Variants in KIF16B observed in about 807,000 individuals in gnomAD.
KIF16B encodes the protein kinesin family member 16B.
Under a neutral mutation model 156.3 loss-of-function variants are expected in KIF16B, and 98 were observed. The ratio of observed to expected loss-of-function variants is 0.63; its 90% CI spans 0.53 to 0.74. KIF16B has a LOEUF of 0.74. Among genes scored for constraint, KIF16B ranks in the 30% least tolerant of loss-of-function variants. The probability of loss-of-function intolerance (pLI) is 0.00; values close to 1 mark genes in which losing one functional copy is unlikely to be tolerated. For missense variants in KIF16B, 1,421 were observed against 1,606.5 expected (o/e 0.88, Z 1.97); for synonymous variants, 564 against 583.7 (o/e 0.97, Z 0.49).
At chr20:16,427,567 T>C (rs1307346174) in intron 14 of KIF16B, among the ~76,000 whole-genome samples, 1 of 152,094 alleles carries the variant, frequency 6.6e-6, no homozygotes, top group Non-Finnish European at 1.5e-5. Context: ...ACCATGGAGT[T>C]GCCCTGTTTG....
chr20:16,276,235 A>T (rs1309094795), intron 25 of KIF16B, among the ~76,000 whole-genome samples: 1 of 152,232 alleles, frequency 6.6e-6, no homozygotes, highest in Non-Finnish European at 1.5e-5. Context: ...TAGGGTCCCT[A>T]TAAAGGGCCA....
At chr20:16,505,421 T>C (rs1164323202) in intron 9 of KIF16B, among the ~76,000 whole-genome samples, 1 of 152,248 alleles carries the variant, frequency 6.6e-6, no homozygotes, top group African/African-American at 2.4e-5. Context: ...CTTGTGTTCC[T>C]ATGATTTTTC....
At chr20:16,471,080 G>T (rs2067649850) in intron 12 of KIF16B, among the ~76,000 whole-genome samples, 1 of 152,116 alleles carries the variant, frequency 6.6e-6, no homozygotes, top group Non-Finnish European at 1.5e-5. Flanking sequence ...TATCTCTACT[G>T]AACGAGGTTT....
intron 12 of KIF16B, among the ~76,000 whole-genome samples, chr20:16,442,776 T>C (rs2066838113): frequency 6.6e-6 from 1 of 152,140 alleles, no homozygotes; most frequent in South Asian, 2.1e-4. Context: ...CTTTGTTTAT[T>C]TCTTAGCCAG....
chr20:16,302,965 T>G (rs192895778), intron 25 of KIF16B, among the ~76,000 whole-genome samples: 5 of 152,306 alleles, frequency 3.3e-5, no homozygotes, highest in Admixed American at 3.3e-4. Flanking sequence ...CACAGCTTTA[T>G]GTCTTACTTT....
chr20:16,367,852 C>A (rs1273528957), intron 22 of KIF16B: 2 of 1,593,134 alleles, frequency 1.3e-6, no homozygotes, highest in Non-Finnish European at 1.7e-6. Context: ...TTTGTTGTAA[C>A]TGAATACAGT....
intron 24 of KIF16B, among the ~76,000 whole-genome samples, chr20:16,330,310 A>C (rs1355070987): frequency 6.6e-6 from 1 of 152,234 alleles, no homozygotes; most frequent in East Asian, 1.9e-4. Context: ...ATTAAGGTAA[A>C]TAATTAACCA....
At chr20:16,299,722 T>A (rs1330897211) in intron 25 of KIF16B, among the ~76,000 whole-genome samples, 1 of 152,204 alleles carries the variant, frequency 6.6e-6, no homozygotes. Context: ...CAAGTACTTC[T>A]GGCTCTGCAC....
At chr20:16,407,178 G>A (rs1397407230) in intron 15 of KIF16B, among the ~76,000 whole-genome samples, 1 of 152,184 alleles carries the variant, frequency 6.6e-6, no homozygotes, top group African/African-American at 2.4e-5. Flanking sequence ...GCTTGATGAA[G>A]CAAACAAACC....
intron 1 of KIF16B, among the ~76,000 whole-genome samples, chr20:16,542,688 C>T (rs2070251003): frequency 6.6e-6 from 1 of 152,136 alleles, no homozygotes; most frequent in Admixed American, 6.5e-5. Flanking sequence ...GTCACTGTGA[C>T]TGCAGAAGAG....
intron 25 of KIF16B, among the ~76,000 whole-genome samples, chr20:16,306,309 C>T (rs904587538): frequency 6.6e-6 from 1 of 152,044 alleles, no homozygotes; most frequent in Non-Finnish European, 1.5e-5. Flanking sequence ...CCAAGTCAGC[C>T]GGGGACTTCA....
chr20:16,557,298 A>G (rs192932946), intron 1 of KIF16B, among the ~76,000 whole-genome samples: 1 of 152,078 alleles, frequency 6.6e-6, no homozygotes, highest in African/African-American at 2.4e-5. Context: ...CTCCTGCCTC[A>G]GTCTCCAACT....
At chr20:16,434,543 A>G in intron 12 of KIF16B, among the ~76,000 whole-genome samples, 2 of 152,192 alleles carry the variant, frequency 1.3e-5, no homozygotes, top group Non-Finnish European at 2.9e-5. Flanking sequence ...TGGGATCTAG[A>G]TTGTACTTGG....
intron 15 of KIF16B, among the ~76,000 whole-genome samples, chr20:16,421,047 G>A (rs1281498966): frequency 1.3e-5 from 2 of 152,084 alleles, no homozygotes; most frequent in Non-Finnish European, 2.9e-5. Flanking sequence ...CATGGGTGAG[G>A]GCTAGGGGAT....
At chr20:16,344,069 T>C (rs1222766729) in intron 23 of KIF16B, among the ~76,000 whole-genome samples, 2 of 152,204 alleles carry the variant, frequency 1.3e-5, no homozygotes, top group African/African-American at 4.8e-5. Context: ...AAGACCTCAA[T>C]GTTTCCAAGA....
At chr20:16,570,513 TA>T (rs978259351) in intron 1 of KIF16B, among the ~76,000 whole-genome samples, 29 of 152,162 alleles carry the variant, frequency 1.9e-4, no homozygotes, top group Non-Finnish European at 1.3e-4. Context: ...ATCTCACTGG[TA>T]AAAAAATGGC....
intron 10 of KIF16B, among the ~76,000 whole-genome samples, chr20:16,498,306 A>G (rs888825366): frequency 6.6e-6 from 1 of 152,148 alleles, no homozygotes; most frequent in Non-Finnish European, 1.5e-5. Context: ...TTAACATGTG[A>G]GTCCCTGACC....
At chr20:16,497,534 C>T (rs892517358) in intron 11 of KIF16B, 79 bp downstream of exon 11, 13 of 1,137,698 alleles carry the variant, frequency 1.1e-5, no homozygotes, top group Admixed American at 5.8e-5. Context: ...GCATCTCAAA[C>T]GGCAAGTCCT....
At chr20:16,476,992 C>A (rs985003441) in intron 12 of KIF16B, among the ~76,000 whole-genome samples, 1 of 152,058 alleles carries the variant, frequency 6.6e-6, no homozygotes, top group Non-Finnish European at 1.5e-5. Flanking sequence ...CATAATCCGC[C>A]CGCCTCAGCC....
Sources: allele counts gnomAD v4.1 joint callset (sites outside exome capture counted in the v4.1 genomes callset), GRCh38; gene constraint gnomAD v4.1.1; transcripts MANE v1.5; gene names NCBI Gene and HGNC (gene_info 2026-07-23, HGNC 2026-07-21).